CACNA1S: variants seen among roughly 807,000 people sequenced by gnomAD.
CACNA1S encodes voltage-dependent L-type calcium channel subunit alpha-1S.
CACNA1S carries 126 observed loss-of-function variants against 207.4 expected under a neutral mutation model. That is an observed-to-expected ratio of 0.61 (90% CI 0.53 to 0.70). The LOEUF is 0.70. Ranked by LOEUF, CACNA1S falls within the 30% of genes least tolerant of loss-of-function variation. CACNA1S has a pLI of 0.00. For synonymous variants in CACNA1S, 960 were observed against 932.7 expected (o/e 1.03, Z -0.53); for missense variants, 2,349 against 2,422.8 (o/e 0.97, Z 0.64).
At chr1:201,112,164 C>A (rs200857096) in intron 1 of CACNA1S, 24 bp downstream of exon 1, 116 of 1,597,772 alleles carry the variant, frequency 7.3e-5, no homozygotes, top group Admixed American at 5.0e-4. Context: ...CACCCCCCCC[C>A]ACGGCCCGGG....
In CACNA1S at chr1:201,085,540, G is replaced by C. The variant is rs766441140; in HGVS notation, c.1046C>G (p.Thr349Ser). The C allele has an allele frequency of 5.0e-6, 8 of 1,613,598 alleles. No individual in the cohort carries two copies. Among genetic ancestry groups the C allele is most frequent in the Non-Finnish European group, 6.8e-6 (8 of 1,179,958 alleles). The change falls in exon 8 of 44, where the codon ACC (threonine) becomes AGC (serine). Residue 349 changes from threonine to serine, a missense_variant. Transcript: ENST00000362061. ...CTGCTTCTCCCGGAGCTTCTGGAAGGTTCCCCTGGACTTGGCCTTCTCCCG... is the reference window on the plus strand; with the variant it reads ...CTGCTTCTCCCGGAGCTTCTGGAAGCTTCCCCTGGACTTGGCCTTCTCCCG... ...KEREKAKSRG[T>S]FQKLREKQQL...
At position 201,094,004 on chromosome 1, in the gene CACNA1S, G is replaced by A. The variant is rs774994749; in HGVS notation, c.276C>T (p.Phe92=). 11 of 1,614,094 alleles carry A rather than the reference G, an allele frequency of 6.8e-6. No homozygotes were observed. Among genetic ancestry groups the A allele is most frequent in the Middle Eastern group, 1.6e-4 (1 of 6,082 alleles). ...CTTCAATCGAGAAGACAATGAGGAAGAAATACTCCAGCTTCTCCTGTGGGA... is the reference window on the plus strand; with the variant it reads ...CTTCAATCGAGAAGACAATGAGGAAAAAATACTCCAGCTTCTCCTGTGGGA... ...LNLGLEKLEY[F]FLIVFSIEAA... The change falls in exon 3 of 44, where the codon TTC becomes TTT. Residue 92 remains phenylalanine (F), a synonymous_variant. Coordinates refer to ENST00000362061, the MANE Select transcript of CACNA1S (RefSeq NM_000069.3).
Position 201,060,806 on chromosome 1 carries a change from A to T in CACNA1S, c.3266T>A (p.Val1089Glu), listed in dbSNP as rs1360408890. The T allele has an allele frequency of 1.9e-6, 3 of 1,614,178 alleles. No homozygotes were observed. The highest frequency in any genetic ancestry group is 2.5e-6 in the Non-Finnish European group (3 of 1,180,046). ...TGGGCGGGCCTTCAGGGCATACTGT[A>T]CACATTGGCGCTGTGACACATACAA... ...CELDKNQRQC[V>E]QYALKARPLR... The change falls in exon 26 of 44, where the codon GTA becomes GAA. Residue 1089 changes from valine to glutamate, a missense_variant. Transcript: ENST00000362061.
intron 1 of CACNA1S, among the ~76,000 whole-genome samples, chr1:201,111,456 T>C (rs1305226321): frequency 6.6e-6 from 1 of 152,052 alleles, no homozygotes. Context: ...CCAGAGCAAA[T>C]GCAAACATAG....
Position 201,066,264 on chromosome 1 carries a change from G to A in CACNA1S, c.2710C>T (p.Pro904Ser). The A allele has an allele frequency of 6.2e-7, 1 of 1,613,644 alleles. No individual in the cohort carries two copies. The highest frequency in any genetic ancestry group is 8.5e-7 in the Non-Finnish European group (1 of 1,179,978). The part of the protein sequence containing the change: ...KILRVLRVLR[P>S]LRAINRAKGL... ...TTGGCTCTGTTGATGGCTCTGAGTG[G>A]TCGGAGCACCCTCAGCACCCTCAGG... is the stretch of plus-strand genomic sequence containing the variant. Residue 904 changes from proline (P) to serine (S), a missense_variant, in exon 21 of 44, where the codon CCA becomes TCA. Coordinates refer to ENST00000362061, the MANE Select transcript of CACNA1S (RefSeq NM_000069.3). The surrounding 1 kb of genome is among the most constrained non-coding windows in gnomAD (Gnocchi z 4.3).
Position 201,062,062 on chromosome 1 carries a change from C to A in CACNA1S, c.2935G>T (p.Asp979Tyr). ...TGACGCAGCTCTATCTGCATGGGGT[C>A]CCCGTCCTTGTACACGTAGTAGTAG... is the stretch of plus-strand genomic sequence containing the variant. ...RGYYYVYKDG[D>Y]PMQIELRHRE... The change falls in exon 24 of 44, where the codon GAC becomes TAC. Residue 979 changes from aspartate to tyrosine, a missense_variant. Coordinates refer to ENST00000362061, the MANE Select transcript of CACNA1S (RefSeq NM_000069.3). The A allele has an allele frequency of 6.2e-7, 1 of 1,614,080 alleles. No individual in the cohort carries two copies. Among genetic ancestry groups the A allele is most frequent in the Non-Finnish European group, 8.5e-7 (1 of 1,179,972 alleles).
chr1:201,056,070 G>GACAGACACACACACACAC (rs528783002), intron 28 of CACNA1S, among the ~76,000 whole-genome samples: 6 of 94,918 alleles, frequency 6.3e-5, no homozygotes, highest in African/African-American at 1.8e-4. Flanking sequence ...CAGACAGACA[G>GACAGACACACACACACAC]ACACACACAC....
chr1:201,071,050 T>C lies in CACNA1S; in HGVS notation c.2228-646A>G, dbSNP rs562805933. The stretch of plus-strand genomic sequence containing the variant: ...AGACGGACATTCCAAGCACATTCAC[T>C]GAGTCTCATGACCTCAAGAGGAAGC... On this transcript the variant is annotated intron_variant, in intron 16 of 43. Transcript: ENST00000362061. 4.6e-5 allele frequency among the ~76,000 whole-genome samples: 7 copies of C among 152,276 alleles called. No individual in the cohort carries two copies. The South Asian group carries it at 1.5e-3, about 32-fold the overall frequency.
chr1:201,094,425 G>A (rs188845227), intron 2 of CACNA1S, among the ~76,000 whole-genome samples: 5 of 151,762 alleles, frequency 3.3e-5, no homozygotes, highest in Non-Finnish European at 5.9e-5. Flanking sequence ...ACTCCATGAA[G>A]CATGGGGATT....
chr1:201,112,260 G>A lies in CACNA1S; in HGVS notation c.80C>T (p.Pro27Leu). The A allele has an allele frequency of 6.2e-7, 1 of 1,613,994 alleles. No individual in the cohort carries two copies. The highest frequency in any genetic ancestry group is 8.5e-7 in the Non-Finnish European group (1 of 1,179,990). ...GGTCAGGCAGAACAAGGCCCGGGGT[G>A]GCCTTGGCAGAATCTCAGGAACTGG... ...KKPVPEILPRPPRALFCLTLE... is the reference protein window; with the variant it reads ...KKPVPEILPRLPRALFCLTLE... The change falls in exon 1 of 44, where the codon CCA becomes CTA. Residue 27 changes from proline to leucine, a missense_variant. Coordinates refer to ENST00000362061, the MANE Select transcript of CACNA1S (RefSeq NM_000069.3).
At chr1:201,085,658 A>G in intron 7 of CACNA1S, 77 bp from the exon 8 acceptor site, 1 of 1,550,602 alleles carries the variant, frequency 6.4e-7, no homozygotes, top group Non-Finnish European at 8.9e-7. Context: ...TCCTGAGGAC[A>G]GACAAGCCCA....
intron 38 of CACNA1S, among the ~76,000 whole-genome samples, chr1:201,046,187 T>TTATTTATC (rs1553248475): frequency 0.028 from 4,276 of 151,864 alleles, 121 homozygotes; most frequent in East Asian, 0.11. Flanking sequence ...ATTTATTTAT[T>TTATTTATC]TATCTATCTT....
chr1:201,058,986 T>A (rs1660947914), intron 27 of CACNA1S, among the ~76,000 whole-genome samples: 1 of 152,178 alleles, frequency 6.6e-6, no homozygotes, highest in Admixed American at 6.5e-5. Context: ...CCAGAGTCTT[T>A]CTGTCATTGT....
intron 2 of CACNA1S, among the ~76,000 whole-genome samples, chr1:201,099,470 A>C (rs561627942): frequency 2.6e-5 from 4 of 152,200 alleles, no homozygotes; most frequent in African/African-American, 9.6e-5. Context: ...GGGCCTGAAA[A>C]TCTCCTTCTT....
At chr1:201,104,882 G>T (rs993265645) in intron 2 of CACNA1S, among the ~76,000 whole-genome samples, 3 of 152,216 alleles carry the variant, frequency 2.0e-5, no homozygotes, top group African/African-American at 7.2e-5. Context: ...GAGCCACCTG[G>T]GCATGTGCAG....
chr1:201,052,510 C>T, intron 32 of CACNA1S, 47 bp downstream of exon 32: 7 of 1,453,026 alleles, frequency 4.8e-6, no homozygotes, highest in Non-Finnish European at 6.8e-6. Context: ...AGAGCAAAGG[C>T]TGGACTGGTC....
rs148664397 is a variant in CACNA1S at position 201,040,779 on chromosome 1, G to A, written c.5135-66C>T. The A allele has an allele frequency of 9.3e-4, 1,199 of 1,290,146 alleles. 10 individuals carry two copies. The African/African-American group carries it at 0.016, about 17-fold the overall frequency. 79.9% of individuals were successfully genotyped at this position (1,290,146 alleles called of 1,614,324 possible). On this transcript the variant is annotated intron_variant, in intron 41 of 43. Transcript: ENST00000362061. ...TCCTGCCAGGAGCCCTGAGTCAACAGAGGCTCGCTTGGCTGGCTAGCCACA... is the reference window on the plus strand; with the variant it reads ...TCCTGCCAGGAGCCCTGAGTCAACAAAGGCTCGCTTGGCTGGCTAGCCACA...
At chr1:201,047,274 T>C in intron 37 of CACNA1S, 35 bp from the exon 38 acceptor site, 1 of 1,614,030 alleles carries the variant, frequency 6.2e-7, no homozygotes, top group Non-Finnish European at 8.5e-7. Context: ...CCCTGAAGGC[T>C]AGTGGGAATC....
chr1:201,112,422 G>A lies in CACNA1S; in HGVS notation c.-83C>T, dbSNP rs116071603. 12,896 of 1,606,244 alleles carry A rather than the reference G, an allele frequency of 8.0e-3. 385 individuals are homozygous for A. Among genetic ancestry groups the A allele is most frequent in the African/African-American group, 0.059 (4,413 of 75,038 alleles). On this transcript the variant is annotated 5_prime_UTR_variant, in exon 1 of 44. Coordinates refer to ENST00000362061, the MANE Select transcript of CACNA1S (RefSeq NM_000069.3). Reference sequence around the variant, plus strand: ...TGTGTCCCCAATGCCCCCGCCTTGGGGACTAGGCTGGCTGAGGCTGTCGGC... The same window carrying A: ...TGTGTCCCCAATGCCCCCGCCTTGGAGACTAGGCTGGCTGAGGCTGTCGGC...
Sources: allele counts gnomAD v4.1 joint callset (sites outside exome capture counted in the v4.1 genomes callset), GRCh38; gene constraint gnomAD v4.1.1; non-coding constraint Gnocchi (gnomAD v3.1); transcripts MANE v1.5; gene names NCBI Gene and HGNC (gene_info 2026-07-23, HGNC 2026-07-21).